Variants in SLCO3A1 observed in about 807,000 individuals in gnomAD.
SLCO3A1 encodes PGE1 transporter.
In SLCO3A1, 27 loss-of-function variants were observed where a neutral mutation model predicts 63.1. That is an observed-to-expected ratio of 0.43 (90% CI 0.32 to 0.59). The LOEUF (loss-of-function observed/expected upper bound fraction) is 0.59, where lower values mean the gene tolerates loss of function less well. SLCO3A1 is among the 20% of genes least tolerant of loss of function. SLCO3A1 has a pLI of 0.09. For synonymous variants in SLCO3A1, 473 were observed against 409.9 expected (o/e 1.15, Z -1.86); for missense variants, 773 against 945.8 (o/e 0.82, Z 2.40).
chr15:92,143,080 T>C (rs1228885389), intron 7 of SLCO3A1, among the ~76,000 whole-genome samples: 1 of 151,234 alleles, frequency 6.6e-6, no homozygotes, highest in East Asian at 2.0e-4. Context: ...TCAGGAACAC[T>C]CAGGAATGTG....
chr15:92,024,693 C>T (rs980598244), intron 2 of SLCO3A1, among the ~76,000 whole-genome samples: 2 of 152,074 alleles, frequency 1.3e-5, no homozygotes, highest in African/African-American at 4.8e-5. Context: ...AACATCTACA[C>T]AAAGCAAAAC....
intron 5 of SLCO3A1, among the ~76,000 whole-genome samples, chr15:92,121,537 A>G (rs2047862343): frequency 1.3e-5 from 2 of 152,202 alleles, no homozygotes; most frequent in Admixed American, 6.5e-5. Flanking sequence ...TAGCATATCT[A>G]AGTGATGTCC....
intron 2 of SLCO3A1, among the ~76,000 whole-genome samples, chr15:91,953,712 C>G (rs1900075816): frequency 6.6e-6 from 1 of 152,084 alleles, no homozygotes. Context: ...GGGGGTGGGG[C>G]TGGCAGGAGA....
intron 2 of SLCO3A1, among the ~76,000 whole-genome samples, chr15:92,072,201 G>GTTTTTT: frequency 7.6e-6 from 1 of 131,642 alleles, no homozygotes. Flanking sequence ...TCTTTTTTTT[G>GTTTTTT]GTTTTTTTTT....
At chr15:92,123,939 GCA>G (rs2047892047) in intron 5 of SLCO3A1, among the ~76,000 whole-genome samples, 1 of 152,186 alleles carries the variant, frequency 6.6e-6, no homozygotes, top group South Asian at 2.1e-4. Flanking sequence ...TTGGCAGGAG[GCA>G]CCTTCTCCTG....
At chr15:92,049,432 C>CA (rs2046930290) in intron 2 of SLCO3A1, among the ~76,000 whole-genome samples, 1 of 152,192 alleles carries the variant, frequency 6.6e-6, no homozygotes, top group Admixed American at 6.5e-5. Flanking sequence ...CCAGTACCCC[C>CA]AAGCTCTTGC....
At position 92,160,665 on chromosome 15, in the gene SLCO3A1, G is replaced by A. The variant is rs193170044; in HGVS notation, c.1754-2091G>A. Among the ~76,000 whole-genome samples the A allele has an allele frequency of 2.3e-3, 350 of 152,230 alleles. 2 individuals carry two copies. Among genetic ancestry groups the A allele is most frequent in the African/African-American group, 7.8e-3 (324 of 41,536 alleles). ...GCTTCTCTTTGGGGTATCAAGCAGCGGAGGTGAAGAGTTCCAAGGAGAAGT... is the reference window on the plus strand; with the variant it reads ...GCTTCTCTTTGGGGTATCAAGCAGCAGAGGTGAAGAGTTCCAAGGAGAAGT... On this transcript the variant is annotated intron_variant, in intron 9 of 9. Transcript: ENST00000318445.
chr15:92,063,920 T>C (rs1299198693), intron 2 of SLCO3A1, among the ~76,000 whole-genome samples: 3 of 152,172 alleles, frequency 2.0e-5, no homozygotes, highest in Non-Finnish European at 4.4e-5. Flanking sequence ...CTTTTGTTTG[T>C]TTTTTGCTTT....
At chr15:91,956,822 C>T (rs1176070001) in intron 2 of SLCO3A1, among the ~76,000 whole-genome samples, 6 of 131,982 alleles carry the variant, frequency 4.5e-5, no homozygotes, top group African/African-American at 1.2e-4. Flanking sequence ...TGGATTCTCG[C>T]TCTGTCACCC....
intron 2 of SLCO3A1, among the ~76,000 whole-genome samples, chr15:92,043,286 C>T (rs965244939): frequency 6.6e-6 from 1 of 152,168 alleles, no homozygotes; most frequent in Non-Finnish European, 1.5e-5. Flanking sequence ...ATTTCATGGA[C>T]GGCATTGCCC....
chr15:92,168,887 C>A (rs2048507355), downstream of SLCO3A1, among the ~76,000 whole-genome samples: 1 of 152,172 alleles, frequency 6.6e-6, no homozygotes, highest in South Asian at 2.1e-4. Flanking sequence ...GAGTTACCAT[C>A]CTTTTTCTCT....
intron 2 of SLCO3A1, among the ~76,000 whole-genome samples, chr15:91,996,881 A>G (rs1034771282): frequency 1.3e-5 from 2 of 152,208 alleles, no homozygotes; most frequent in African/African-American, 4.8e-5. Flanking sequence ...AAAATTTAAA[A>G]TGTATAGTGA....
At chr15:91,879,545 AT>A (rs1897499135) in intron 1 of SLCO3A1, among the ~76,000 whole-genome samples, 1 of 152,174 alleles carries the variant, frequency 6.6e-6, no homozygotes, top group Admixed American at 6.5e-5. Context: ...ACAAATCAGC[AT>A]TTGTATGGTT....
intron 1 of SLCO3A1, among the ~76,000 whole-genome samples, chr15:91,891,496 T>A (rs1396405767): frequency 1.3e-5 from 2 of 152,222 alleles, no homozygotes; most frequent in Non-Finnish European, 2.9e-5. Context: ...ATTCTCACTC[T>A]ACCCAGACCT....
chr15:92,152,333 A>G (rs957369869), intron 9 of SLCO3A1, among the ~76,000 whole-genome samples: 3 of 152,196 alleles, frequency 2.0e-5, no homozygotes, highest in East Asian at 3.8e-4. Flanking sequence ...CTTTCTATCA[A>G]TCTGTGATCA....
At chr15:91,946,096 A>T (rs2151405085) in intron 2 of SLCO3A1, among the ~76,000 whole-genome samples, 1 of 152,322 alleles carries the variant, frequency 6.6e-6, no homozygotes, top group East Asian at 1.9e-4. Context: ...GTGGGCATGG[A>T]TTCAGTATGG....
At chr15:92,144,691 C>T (rs1435081933) in intron 7 of SLCO3A1, among the ~76,000 whole-genome samples, 1 of 152,240 alleles carries the variant, frequency 6.6e-6, no homozygotes, top group East Asian at 1.9e-4. Context: ...CTGAGTCTCT[C>T]CCAGGTTTCC....
intron 2 of SLCO3A1, among the ~76,000 whole-genome samples, chr15:92,081,713 G>C (rs1487246922): frequency 2.6e-5 from 4 of 152,226 alleles, no homozygotes; most frequent in African/African-American, 9.6e-5. Context: ...AGGGCAGCAA[G>C]GGCAGAGGCT....
intron 2 of SLCO3A1, among the ~76,000 whole-genome samples, chr15:91,929,943 T>C (rs902378938): frequency 2.0e-5 from 3 of 152,226 alleles, no homozygotes; most frequent in Non-Finnish European, 4.4e-5. Flanking sequence ...CATTCATCTA[T>C]GAATGGACAT....
Sources: gnomAD v4.1 joint callset for allele counts (sites outside exome capture counted in the v4.1 genomes callset) on GRCh38, gnomAD v4.1.1 for gene constraint, MANE v1.5 for transcripts, NCBI Gene and HGNC (gene_info 2026-07-23, HGNC 2026-07-21) for gene names.